Variants in SETD5 observed in about 807,000 individuals in gnomAD.
SETD5 encodes histone-lysine N-methyltransferase SETD5.
In SETD5, 44 loss-of-function variants were observed where a neutral mutation model predicts 153.3. The observed-to-expected ratio is 0.29, with a 90% confidence interval of 0.23 to 0.37. The LOEUF (loss-of-function observed/expected upper bound fraction) is 0.37, where lower values mean the gene tolerates loss of function less well. SETD5 is among the 10% of genes least tolerant of loss of function. SETD5 has a pLI of 1.00. For missense variants in SETD5, 1,544 were observed against 1,768.0 expected (o/e 0.87, Z 2.27); for synonymous variants, 716 against 645.2 (o/e 1.11, Z -1.66).
intron 1 of SETD5, among the ~76,000 whole-genome samples, chr3:9,415,230 T>C (rs1318248603): frequency 6.6e-6 from 1 of 152,236 alleles, no homozygotes; most frequent in East Asian, 1.9e-4. Flanking sequence ...AGTTAATTAA[T>C]GACATGAGCA....
chr3:9,429,931 A>G, intron 3 of SETD5: 4 of 1,302,376 alleles, frequency 3.1e-6, no homozygotes, highest in Non-Finnish European at 4.0e-6. Context: ...GCACACCCCC[A>G]GAAGCCAAGT....
At position 9,447,072 on chromosome 3, in the gene SETD5, A is replaced by G. The variant is rs1376077121; in HGVS notation, c.1547A>G (p.Glu516Gly). The G allele has an allele frequency of 6.2e-7, 1 of 1,613,202 alleles. No individual in the cohort carries two copies. Among genetic ancestry groups the G allele is most frequent in the Admixed American group, 1.7e-5 (1 of 59,858 alleles). ...TAGACCAGGGAAGATAGAAAGGTAG[A>G]AGCCATCATGCATGCTTTTGAAAAC... is the stretch of plus-strand genomic sequence containing the variant. Reference protein sequence around the residue: ...SRRTREDRKVEAIMHAFENLE... With the variant: ...SRRTREDRKVGAIMHAFENLE... The change falls in exon 14 of 23, where the codon GAA (glutamate) becomes GGA (glycine). Residue 516 changes from glutamate to glycine, a missense_variant. Transcript: ENST00000402198.
At position 9,417,483 on chromosome 3, in the gene SETD5, C is replaced by CT. The variant is rs397874333; in HGVS notation, c.-176-6970dup. Among the ~76,000 whole-genome samples, 1,020 of 143,998 alleles carry CT rather than the reference C, an allele frequency of 7.1e-3. 19 individuals carry two copies. The highest frequency in any genetic ancestry group is 0.022 in the African/African-American group (873 of 39,264). The allele number at this position is 143,998 out of a possible 152,430, so 94.5% of individuals were successfully genotyped here. A position where few individuals can be genotyped will look rare whatever the true frequency, so the allele number is the denominator to read the frequency against. On this transcript the variant is annotated intron_variant, in intron 1 of 22. Transcript: ENST00000402198. Reference sequence around the variant, plus strand: ...TTTTAGTAAATCAGTATAGATAAGTCTTTTTTTTTTTTTTCCCCCCGAGAC... The same window carrying CT: ...TTTTAGTAAATCAGTATAGATAAGTCTTTTTTTTTTTTTTTCCCCCCGAGAC...
intron 16 of SETD5, among the ~76,000 whole-genome samples, chr3:9,453,258 A>G (rs2042838913): frequency 6.6e-6 from 1 of 152,204 alleles, no homozygotes; most frequent in Non-Finnish European, 1.5e-5. Context: ...GTGAAGAGCT[A>G]TTAATCCTCA....
intron 12 of SETD5, 86 bp from the exon 13 acceptor site, chr3:9,445,571 T>C: frequency 8.3e-7 from 1 of 1,202,944 alleles, no homozygotes; most frequent in South Asian, 1.3e-5. Context: ...TAGAGATTGT[T>C]ATAGAGAGTT....
chr3:9,404,240 A>G (rs185677971), intron 1 of SETD5, among the ~76,000 whole-genome samples: 3 of 152,312 alleles, frequency 2.0e-5, no homozygotes, highest in Admixed American at 2.0e-4. Context: ...AGATGTTTTA[A>G]CCGATTAATA....
In SETD5 at chr3:9,434,827, A is replaced by G. The variant is rs1424111501; in HGVS notation, c.333A>G (p.Gly111=). The change falls in exon 6 of 23, where the codon GGA becomes GGG. Residue 111 remains glycine, a synonymous_variant. Transcript: ENST00000402198. The surrounding 1 kb of genome is among the most constrained non-coding windows in gnomAD (Gnocchi z 5.6). ...GFLLNCDKCR[G]MSRGKVIRLH... ...TAAGTTTATTTTCCCTCTTTAGGGG[A>G]ATGAGCAGGGGGAAGGTTATTAGAC... is the stretch of plus-strand genomic sequence containing the variant. 1 of 1,612,954 alleles carries G rather than the reference A, an allele frequency of 6.2e-7. No homozygotes were observed. Among genetic ancestry groups the G allele is most frequent in the East Asian group, 2.2e-5 (1 of 44,870 alleles).
chr3:9,447,662 C>T, intron 14 of SETD5, 24 bp from the exon 15 acceptor site: 2 of 1,594,788 alleles, frequency 1.3e-6, no homozygotes, highest in Non-Finnish European at 1.7e-6. Context: ...TTCTGGTAAG[C>T]ATCTGACCCT....
chr3:9,462,933 G>C (rs2125479003), intron 17 of SETD5, among the ~76,000 whole-genome samples: 1 of 151,080 alleles, frequency 6.6e-6, no homozygotes, highest in South Asian at 2.1e-4. Context: ...AGAAAATACA[G>C]CTTTTTTTTT....
chr3:9,435,595 T>G (rs2040475297), intron 6 of SETD5, 133 bp from the exon 7 acceptor site: 4 of 730,142 alleles, frequency 5.5e-6, no homozygotes, highest in Admixed American at 7.3e-5. Context: ...TATTTAACGT[T>G]GCTTTACAGA....
chr3:9,446,180 G>A lies in SETD5; in HGVS notation c.1524+440G>A, dbSNP rs4339098. Among the ~76,000 whole-genome samples the A allele has an allele frequency of 1.5e-3, 233 of 150,642 alleles. 7 individuals are homozygous for A. In the East Asian group the frequency reaches 0.025, roughly 16 times the overall value. On this transcript the variant is annotated intron_variant, in intron 13 of 22. Coordinates refer to ENST00000402198, the MANE Select transcript of SETD5 (RefSeq NM_001080517.3). Reference sequence around the variant, plus strand: ...CGGGTGCCTGTAGTCCCAGCTACTCGGGAGGCTAAGGCAGGAGAATGGCAT... The same window carrying A: ...CGGGTGCCTGTAGTCCCAGCTACTCAGGAGGCTAAGGCAGGAGAATGGCAT...
intron 16 of SETD5, among the ~76,000 whole-genome samples, chr3:9,450,885 T>C (rs1256063347): frequency 2.0e-5 from 3 of 152,212 alleles, no homozygotes; most frequent in Non-Finnish European, 4.4e-5. Context: ...TTTTTATTTT[T>C]ATCATTATTA....
intron 13 of SETD5, 87 bp from the exon 14 acceptor site, chr3:9,446,963 T>C (rs1164045910): frequency 7.4e-6 from 7 of 945,894 alleles, no homozygotes; most frequent in Non-Finnish European, 1.1e-5. Context: ...TGAATTTCTG[T>C]AAATTTCCAT....
intron 1 of SETD5, among the ~76,000 whole-genome samples, chr3:9,404,371 T>G (rs2035325822): frequency 6.6e-6 from 1 of 152,228 alleles, no homozygotes; most frequent in South Asian, 2.1e-4. Context: ...TATTTAATGG[T>G]CTTGGCAGTA....
chr3:9,425,940 A>G (rs2039127921), intron 2 of SETD5: 1 of 152,138 alleles, frequency 6.6e-6, no homozygotes, highest in South Asian at 2.1e-4. Flanking sequence ...TCAGACTTTC[A>G]TATGATTATC....
At chr3:9,426,488 C>G (rs1004014283) in intron 2 of SETD5, among the ~76,000 whole-genome samples, 1 of 151,752 alleles carries the variant, frequency 6.6e-6, no homozygotes, top group Non-Finnish European at 1.5e-5. Context: ...CCTCCACCTC[C>G]TGGGTTCAAG....
At chr3:9,444,855 G>A (rs2125232824) in intron 11 of SETD5, among the ~76,000 whole-genome samples, 193 bp from the exon 12 acceptor site, 1 of 152,272 alleles carries the variant, frequency 6.6e-6, no homozygotes, top group Admixed American at 6.5e-5. Context: ...CAGCCTAGAT[G>A]ACAGAGCGAG....
Position 9,470,760 on chromosome 3 carries a change from G to A in SETD5, c.3026G>A (p.Arg1009Lys). The change falls in exon 19 of 23, where the codon AGG (arginine) becomes AAG (lysine). Residue 1009 changes from arginine (R) to lysine (K), a missense_variant. Arg to Lys is a conservative substitution (Grantham distance 26). This residue lies in a region of SETD5 where 782 missense variants were observed against 787.2 expected (regional missense o/e 0.99). Coordinates refer to ENST00000402198, the MANE Select transcript of SETD5 (RefSeq NM_001080517.3). ...CGAGGATCTCCTCTAGTGGGGGATAGGAAGCCTTTACATTTGGATGGGGGA... is the reference window on the plus strand; with the variant it reads ...CGAGGATCTCCTCTAGTGGGGGATAAGAAGCCTTTACATTTGGATGGGGGA... ...LYRGSPLVGDRKPLHLDGGYC... is the reference protein window; with the variant it reads ...LYRGSPLVGDKKPLHLDGGYC... The A allele has an allele frequency of 1.2e-6, 2 of 1,614,010 alleles. No homozygotes were observed. The highest frequency in any genetic ancestry group is 1.7e-6 in the Non-Finnish European group (2 of 1,179,884).
intron 7 of SETD5, among the ~76,000 whole-genome samples, chr3:9,437,181 C>T (rs2040671926): frequency 6.6e-6 from 1 of 152,134 alleles, no homozygotes; most frequent in South Asian, 2.1e-4. Context: ...TGTTCTGTCA[C>T]TGTGATTGAA....
Sources: allele counts gnomAD v4.1 joint callset (sites outside exome capture counted in the v4.1 genomes callset), GRCh38; gene constraint gnomAD v4.1.1; regional missense constraint gnomAD v4.1.1; non-coding constraint Gnocchi (gnomAD v3.1); transcripts MANE v1.5; gene names NCBI Gene and HGNC (gene_info 2026-07-23, HGNC 2026-07-21).